ZMPSTE24: variants seen among roughly 807,000 people sequenced by gnomAD.
The protein encoded by ZMPSTE24 is CAAX prenyl protease 1 homolog.
Under a neutral mutation model 56.7 loss-of-function variants are expected in ZMPSTE24, and 48 were observed. That is an observed-to-expected ratio of 0.85 (90% CI 0.67 to 1.08). The LOEUF (loss-of-function observed/expected upper bound fraction) is 1.08. Among genes scored for constraint, ZMPSTE24 ranks in the 50% least tolerant of loss-of-function variants. ZMPSTE24 has a pLI of 0.00. For synonymous variants in ZMPSTE24, 172 were observed against 195.2 expected, an observed-to-expected ratio of 0.88 and a Z score of 0.99; for missense variants, 503 against 548.7, an observed-to-expected ratio of 0.92 and a Z score of 0.83.
At chr1:40,266,358 T>C (rs901341547) in intron 2 of ZMPSTE24, among the ~76,000 whole-genome samples, 1 of 152,188 alleles carries the variant, frequency 6.6e-6, no homozygotes, top group Non-Finnish European at 1.5e-5. Flanking sequence ...AATTGATTCC[T>C]CTTGACAAAT....
In ZMPSTE24 at chr1:40,268,553, A is replaced by G. The variant is rs375190273; in HGVS notation, c.474+18A>G. ...ATCAACAGGTATAATAAAGAATACA[A>G]ATGTTCTCTTTTAAATGTGAAAAAC... On this transcript the variant is annotated intron_variant, in intron 4 of 9. Transcript: ENST00000372759. 3.4e-6 allele frequency: 5 copies of G among 1,488,636 alleles called. No individual in the cohort carries two copies. The highest frequency in any genetic ancestry group is 3.4e-5 in the Admixed American group (2 of 59,318). 92.2% of individuals were successfully genotyped at this position (1,488,636 alleles called of 1,614,324 possible).
At chr1:40,282,303 T>C (rs1429922588) in intron 7 of ZMPSTE24, among the ~76,000 whole-genome samples, 2 of 152,196 alleles carry the variant, frequency 1.3e-5, no homozygotes, top group South Asian at 2.1e-4. Flanking sequence ...TTGACTGATA[T>C]TGATTAGCAG....
At chr1:40,258,590 G>A (rs978346470) in intron 1 of ZMPSTE24, among the ~76,000 whole-genome samples, 196 bp downstream of exon 1, 3 of 152,146 alleles carry the variant, frequency 2.0e-5, no homozygotes, top group African/African-American at 7.2e-5. Flanking sequence ...GAAGTTTTCT[G>A]TAACGTTATC....
At chr1:40,277,394 T>C (rs755277707) in intron 6 of ZMPSTE24, among the ~76,000 whole-genome samples, 1 of 152,120 alleles carries the variant, frequency 6.6e-6, no homozygotes, top group African/African-American at 2.4e-5. Flanking sequence ...CCAGGGATTC[T>C]TAAACTTTAG....
intron 1 of ZMPSTE24, among the ~76,000 whole-genome samples, 180 bp downstream of exon 1, chr1:40,258,574 G>A (rs746747678): frequency 6.6e-6 from 1 of 152,098 alleles, no homozygotes; most frequent in Non-Finnish European, 1.5e-5. Context: ...GTCTTGGTGC[G>A]TCAAGGAAGT....
At chr1:40,263,822 A>G (rs1021311171) in intron 2 of ZMPSTE24, among the ~76,000 whole-genome samples, 3 of 150,642 alleles carry the variant, frequency 2.0e-5, no homozygotes, top group African/African-American at 7.4e-5. Context: ...CACTGTTCAC[A>G]TAAATATGAC....
At chr1:40,284,002 G>C (rs370141649) in intron 7 of ZMPSTE24, among the ~76,000 whole-genome samples, 1 of 147,456 alleles carries the variant, frequency 6.8e-6, no homozygotes, top group Non-Finnish European at 1.5e-5. Flanking sequence ...GCAGTGGCGC[G>C]ATCTCAGCTC....
Position 40,268,485 on chromosome 1 carries a change from A to G in ZMPSTE24, c.424A>G (p.Ser142Gly), listed in dbSNP as rs112521665. ...CAGTGCATTGACTGGTTTGCCATGG[A>G]GTCTTTATAATACTTTTGTGATAGA... ...LFSALTGLPW[S>G]LYNTFVIEEK... Residue 142 changes from serine to glycine, a missense_variant, in exon 4 of 10, where the codon AGT (serine) becomes GGT (glycine). Transcript: ENST00000372759. The G allele has an allele frequency of 6.2e-7, 1 of 1,613,016 alleles. No individual in the cohort carries two copies. The highest frequency in any genetic ancestry group is 1.3e-5 in the African/African-American group (1 of 74,996).
chr1:40,278,707 G>A lies in ZMPSTE24; in HGVS notation c.770-2636G>A, dbSNP rs1643697627. Among the ~76,000 whole-genome samples, 8 of 152,034 alleles carry A rather than the reference G, an allele frequency of 5.3e-5. No homozygotes were observed. In the South Asian group the frequency reaches 1.5e-3, roughly 28 times the overall value. ...TTCTAAATTGACAGAACTAATACAT[G>A]GCAGAGCCAAGATTTGAACCCAAAG... On this transcript the variant is annotated intron_variant, in intron 6 of 9. Transcript: ENST00000372759.
chr1:40,282,349 A>G (rs1010262089), intron 7 of ZMPSTE24, among the ~76,000 whole-genome samples: 1 of 152,176 alleles, frequency 6.6e-6, no homozygotes, highest in Non-Finnish European at 1.5e-5. Flanking sequence ...GGGAGAGGGG[A>G]CAATGATAAG....
At chr1:40,267,683 A>G (rs1325300595) in intron 2 of ZMPSTE24, 103 bp from the exon 3 acceptor site, 5 of 965,132 alleles carry the variant, frequency 5.2e-6, no homozygotes, top group Non-Finnish European at 8.2e-6. Context: ...TTGTTTTTTT[A>G]ATAGAGATGA....
intron 8 of ZMPSTE24, among the ~76,000 whole-genome samples, chr1:40,288,788 C>T (rs995580848): frequency 1.1e-4 from 16 of 152,110 alleles, no homozygotes; most frequent in East Asian, 5.8e-4. Flanking sequence ...TTCCAAATCT[C>T]GTTAGCCATC....
chr1:40,261,735 T>C (rs1643499156), intron 2 of ZMPSTE24, among the ~76,000 whole-genome samples: 1 of 151,604 alleles, frequency 6.6e-6, no homozygotes. Context: ...TTTTGAGCAG[T>C]GTCTTGCTCT....
chr1:40,285,653 G>GTT (rs937789228), intron 7 of ZMPSTE24, among the ~76,000 whole-genome samples: 1 of 149,230 alleles, frequency 6.7e-6, no homozygotes, highest in Non-Finnish European at 1.5e-5. Flanking sequence ...ATTTCTTCCA[G>GTT]TTTTTTTTTT....
In ZMPSTE24 at chr1:40,290,450, ATTTTTTTTTTTTTT is replaced by A. The variant is rs996301433; in HGVS notation, c.1060-389_1060-376del. On this transcript the variant is annotated intron_variant, in intron 8 of 9. Transcript: ENST00000372759. ...TACCTTTCTTAAAATCACACTATGA[ATTTTTTTTTTTTTT>A]TTTTTTTTTTTTTTGAGATGGAGTC... is the stretch of plus-strand genomic sequence containing the variant. Among the ~76,000 whole-genome samples the A allele has an allele frequency of 5.4e-3, 447 of 82,594 alleles. 15 individuals carry two copies. Among genetic ancestry groups the A allele is most frequent in the East Asian group, 0.042 (120 of 2,876 alleles). The allele number at this position is 82,594 out of a possible 152,430, so 54.2% of individuals were successfully genotyped here. A position where few individuals can be genotyped will look rare whatever the true frequency, so the allele number is the denominator to read the frequency against.
intron 7 of ZMPSTE24, 53 bp from the exon 8 acceptor site, chr1:40,285,872 A>G: frequency 6.8e-7 from 1 of 1,463,368 alleles, no homozygotes; most frequent in South Asian, 1.2e-5. Context: ...GGGTTAAAAG[A>G]TAAAACTTTT....
chr1:40,291,042 C>T, intron 9 of ZMPSTE24, 45 bp downstream of exon 9: 1 of 1,605,338 alleles, frequency 6.2e-7, no homozygotes, highest in Admixed American at 1.7e-5. Context: ...CTCTTGCCTG[C>T]TTCAAATCTA....
At position 40,292,517 on chromosome 1, in the gene ZMPSTE24, G is replaced by A. The variant is rs756041505; in HGVS notation, c.1276G>A (p.Gly426Arg). ...FQADAFAKKL[G>R]KAKDLYSALI... ...AGCTGATGCATTTGCCAAGAAACTT[G>A]GGAAGGCTAAAGACTTATATTCTGC... The change falls in exon 10 of 10, where the codon GGG becomes AGG. Residue 426 changes from glycine (G) to arginine (R), a missense_variant. Gly to Arg is a moderately radical substitution (Grantham distance 125, BLOSUM62 -2). Transcript: ENST00000372759. The A allele has an allele frequency of 6.2e-7, 1 of 1,614,080 alleles. No homozygotes were observed. Among genetic ancestry groups the A allele is most frequent in the Non-Finnish European group, 8.5e-7 (1 of 1,180,012 alleles).
intron 6 of ZMPSTE24, among the ~76,000 whole-genome samples, chr1:40,280,993 A>G (rs1005287069): frequency 1.3e-5 from 2 of 152,182 alleles, no homozygotes; most frequent in African/African-American, 4.8e-5. Flanking sequence ...TGTATCCTTC[A>G]CAATATATTG....
Sources: allele counts gnomAD v4.1 joint callset (sites outside exome capture counted in the v4.1 genomes callset), GRCh38; gene constraint gnomAD v4.1.1; transcripts MANE v1.5; gene names NCBI Gene and HGNC (gene_info 2026-07-23, HGNC 2026-07-21).